Variants in IFNAR2 observed in about 807,000 individuals in gnomAD.
IFNAR2 encodes interferon alpha and beta receptor subunit 2, also known as interferon alpha/beta receptor 2.
A neutral mutation model predicts 49.4 loss-of-function variants in IFNAR2; 30 were observed. That is an observed-to-expected ratio of 0.61 (90% confidence interval 0.45 to 0.82). The LOEUF (loss-of-function observed/expected upper bound fraction) is 0.82. Among genes scored for constraint, IFNAR2 ranks in the 40% least tolerant of loss-of-function variants. IFNAR2 has a pLI of 0.00. For synonymous variants in IFNAR2, 224 were observed against 234.5 expected (o/e 0.96, Z 0.41); for missense variants, 600 against 622.7 (o/e 0.96, Z 0.39).
At chr21:33,253,747 C>T (rs1449737468) in intron 7 of IFNAR2, among the ~76,000 whole-genome samples, 4 of 152,290 alleles carry the variant, frequency 2.6e-5, no homozygotes, top group Middle Eastern at 6.8e-3. Context: ...TCATGCCTCC[C>T]CTTTTTAGAC....
Position 33,260,753 on chromosome 21 carries a change from GT to G in IFNAR2, c.840+32del, listed in dbSNP as rs779544730. The stretch of plus-strand genomic sequence containing the variant: ...GTAGGTAGTTTTTTTGTTTTGTTTT[GT>G]TTTTTCTATCTTTGTTTTTTATTTT... On this transcript the variant is annotated intron_variant, in intron 8 of 8. Coordinates refer to ENST00000342136, the MANE Select transcript of IFNAR2 (RefSeq NM_001289125.3). 7 of 1,413,740 alleles carry G rather than the reference GT, an allele frequency of 5.0e-6. No homozygotes were observed. In the South Asian group the frequency reaches 1.1e-4, roughly 22 times the overall value. The allele number at this position is 1,413,740 out of a possible 1,614,324, so 87.6% of individuals were successfully genotyped here. A position where few individuals can be genotyped will look rare whatever the true frequency, so the allele number is the denominator to read the frequency against.
intron 4 of IFNAR2, among the ~76,000 whole-genome samples, chr21:33,246,322 G>A (rs1468296074): frequency 1.3e-5 from 2 of 152,106 alleles, no homozygotes; most frequent in Non-Finnish European, 2.9e-5. Context: ...CGCCCGCCTT[G>A]GCCTCCCAAA....
chr21:33,256,323 A>C (rs990595786), intron 7 of IFNAR2, among the ~76,000 whole-genome samples: 1 of 152,362 alleles, frequency 6.6e-6, no homozygotes, highest in African/African-American at 2.4e-5. Flanking sequence ...GAGATAGGTC[A>C]AGTACCGCTC....
chr21:33,265,267 G>A lies in IFNAR2; in HGVS notation c.*1767G>A, dbSNP rs1204963840. ...GAGAAGCTCCCAGGATGAATGAAAG[G>A]CACAGGACCTCTTACCCCTCACCCC... On this transcript the variant is annotated 3_prime_UTR_variant, in exon 9 of 9. Transcript: ENST00000342136. 1 of 152,216 alleles carries A rather than the reference G, an allele frequency of 6.6e-6. No individual in the cohort carries two copies. Among genetic ancestry groups the A allele is most frequent in the Non-Finnish European group, 1.5e-5 (1 of 68,082 alleles). The allele number at this position is 152,216 out of a possible 1,614,324, so 9.4% of individuals were successfully genotyped here. A position where few individuals can be genotyped will look rare whatever the true frequency, so the allele number is the denominator to read the frequency against.
chr21:33,240,814 C>CAA lies in IFNAR2; in HGVS notation c.-83-1013_-83-1012dup, dbSNP rs35515030. The stretch of plus-strand genomic sequence containing the variant: ...CTAGGCAACACAGCAAGACCCGTCT[C>CAA]AAAAAAAAAAAAAAGTTACATATAT... On this transcript the variant is annotated intron_variant, in intron 1 of 8. Transcript: ENST00000342136. Among the ~76,000 whole-genome samples, 118 of 138,658 alleles carry CAA rather than the reference C, an allele frequency of 8.5e-4. 1 individual carries two copies. Among genetic ancestry groups the CAA allele is most frequent in the Middle Eastern group, 7.5e-3 (2 of 268 alleles). The allele number at this position is 138,658 out of a possible 152,430, so 91.0% of individuals were successfully genotyped here.
chr21:33,230,226 C>G lies in IFNAR2; in HGVS notation c.-84+10C>G. 4.6e-6 allele frequency: 5 copies of G among 1,095,856 alleles called. No individual in the cohort carries two copies. Among genetic ancestry groups the G allele is most frequent in the Non-Finnish European group, 5.6e-6 (5 of 892,650 alleles). 67.9% of individuals were successfully genotyped at this position (1,095,856 alleles called of 1,614,324 possible). Reference sequence around the variant, plus strand: ...GGCGAGAGCTGCAAAGGTAACGCAGCGTGGCGGGGTCGCGGGAGCGGAGCG... The same window carrying G: ...GGCGAGAGCTGCAAAGGTAACGCAGGGTGGCGGGGTCGCGGGAGCGGAGCG... On this transcript the variant is annotated intron_variant, in intron 1 of 8. Coordinates refer to ENST00000342136, the MANE Select transcript of IFNAR2 (RefSeq NM_001289125.3). This position sits in a 1 kb window ranked among gnomAD's most constrained non-coding sequence, Gnocchi z 5.5.
At chr21:33,243,154 C>G (rs1260451004) in intron 2 of IFNAR2, among the ~76,000 whole-genome samples, 1 of 151,778 alleles carries the variant, frequency 6.6e-6, no homozygotes, top group African/African-American at 2.4e-5. Flanking sequence ...GCGATCTCAC[C>G]TCACTGCAGC....
chr21:33,241,485 G>A (rs983940784), intron 1 of IFNAR2, among the ~76,000 whole-genome samples: 1 of 152,152 alleles, frequency 6.6e-6, no homozygotes, highest in Admixed American at 6.5e-5. Flanking sequence ...GAAAAAGCAG[G>A]GTGGAACAGG....
intron 1 of IFNAR2, among the ~76,000 whole-genome samples, chr21:33,231,170 A>G (rs1986035685): frequency 6.6e-6 from 1 of 152,118 alleles, no homozygotes; most frequent in South Asian, 2.1e-4. Flanking sequence ...CTGCTTGCCA[A>G]GGTTTCTCAG....
chr21:33,252,743 G>A lies in IFNAR2; in HGVS notation c.622G>A (p.Val208Ile). 1 of 1,613,652 alleles carries A rather than the reference G, an allele frequency of 6.2e-7. No individual in the cohort carries two copies. Among genetic ancestry groups the A allele is most frequent in the Non-Finnish European group, 8.5e-7 (1 of 1,179,590 alleles). ...GTTAATTCCAAACACGAACTACTGTGTATCTGTTTATTTAGAGCACAGTGA... is the reference window on the plus strand; with the variant it reads ...GTTAATTCCAAACACGAACTACTGTATATCTGTTTATTTAGAGCACAGTGA... The part of the protein sequence containing the change: ...DKLIPNTNYC[V>I]SVYLEHSDEQ... The change falls in exon 7 of 9, where the codon GTA (valine) becomes ATA (isoleucine). Residue 208 changes from valine (V) to isoleucine (I), a missense_variant. Physicochemically the swap from Val to Ile is conservative, Grantham distance 29. Coordinates refer to ENST00000342136, the MANE Select transcript of IFNAR2 (RefSeq NM_001289125.3).
Position 33,245,059 on chromosome 21 carries a change from T to C in IFNAR2, c.206T>C (p.Leu69Pro). The C allele has an allele frequency of 6.2e-7, 1 of 1,610,170 alleles. No individual in the cohort carries two copies. Among genetic ancestry groups the C allele is most frequent in the Non-Finnish European group, 8.5e-7 (1 of 1,176,398 alleles). ...ATTGTACCAACTCACTATACATTGC[T>C]GTATACAATCATGAGGTTGGTTTGA... ...HSIVPTHYTL[L>P]YTIMSKPEDL... Residue 69 changes from leucine to proline, a missense_variant, in exon 4 of 9, where the codon CTG (leucine) becomes CCG (proline). Coordinates refer to ENST00000342136, the MANE Select transcript of IFNAR2 (RefSeq NM_001289125.3).
chr21:33,240,233 A>G (rs1050051494), intron 1 of IFNAR2, among the ~76,000 whole-genome samples: 3 of 152,212 alleles, frequency 2.0e-5, no homozygotes, highest in East Asian at 1.9e-4. Flanking sequence ...AGATTATACC[A>G]TATTTCTACT....
intron 1 of IFNAR2, 124 bp from the exon 2 acceptor site, chr21:33,241,716 A>AG: frequency 3.7e-6 from 2 of 535,030 alleles, no homozygotes; most frequent in Non-Finnish European, 6.1e-6. Context: ...CAGACTAGGT[A>AG]GGGGATTGGG....
chr21:33,257,836 C>CCT (rs1430106414), intron 7 of IFNAR2, among the ~76,000 whole-genome samples: 13 of 152,106 alleles, frequency 8.5e-5, no homozygotes, highest in Non-Finnish European at 1.5e-5. Context: ...GGCAGGCCAC[C>CCT]CACAGCATCC....
chr21:33,256,649 TTATTAA>T (rs1448951938), intron 7 of IFNAR2, among the ~76,000 whole-genome samples: 1 of 152,226 alleles, frequency 6.6e-6, no homozygotes, highest in African/African-American at 2.4e-5. Flanking sequence ...TTTGTCTCTT[TTATTAA>T]TATTAAGGCC....
At chr21:33,246,413 C>G (rs1370077612) in intron 4 of IFNAR2, among the ~76,000 whole-genome samples, 3 of 152,110 alleles carry the variant, frequency 2.0e-5, no homozygotes, top group Non-Finnish European at 2.9e-5. Flanking sequence ...GCCAGGGGGT[C>G]CAACTGTGAA....
At position 33,262,942 on chromosome 21, in the gene IFNAR2, C is replaced by G; in HGVS notation, c.990C>G (p.Pro330=). 1.9e-6 allele frequency: 3 copies of G among 1,614,152 alleles called. No individual in the cohort carries two copies. Among genetic ancestry groups the G allele is most frequent in the Non-Finnish European group, 2.5e-6 (3 of 1,180,012 alleles). The part of the protein sequence containing the change: ...DESDSDTEAA[P]RTSGGGYTMH... ...GTGATAGCGATACTGAGGCAGCGCC[C>G]AGGACAAGTGGCGGTGGCTATACCA... Residue 330 remains proline (P), a synonymous_variant, in exon 9 of 9, where the codon CCC becomes CCG. Coordinates refer to ENST00000342136, the MANE Select transcript of IFNAR2 (RefSeq NM_001289125.3).
intron 7 of IFNAR2, among the ~76,000 whole-genome samples, chr21:33,253,110 T>C (rs1381184063): frequency 6.6e-6 from 1 of 152,200 alleles, no homozygotes; most frequent in Non-Finnish European, 1.5e-5. Context: ...AATTCAGCAC[T>C]GTGTGCCCTT....
chr21:33,252,654 G>T lies in IFNAR2; in HGVS notation c.541-8G>T, dbSNP rs1279296637. The T allele has an allele frequency of 1.9e-6, 3 of 1,607,504 alleles. No homozygotes were observed. The highest frequency in any genetic ancestry group is 3.4e-5 in the Admixed American group (2 of 58,608). ...TCAGTCTTACTGATTTTTTGCTTATGTTTACAGCATAAACCCGAAATAAAA... is the reference window on the plus strand; with the variant it reads ...TCAGTCTTACTGATTTTTTGCTTATTTTTACAGCATAAACCCGAAATAAAA... On this transcript the variant is annotated splice_region_variant and splice_polypyrimidine_tract_variant and intron_variant, in intron 6 of 8. Coordinates refer to ENST00000342136, the MANE Select transcript of IFNAR2 (RefSeq NM_001289125.3).
Sources: gnomAD v4.1 joint callset for allele counts (sites outside exome capture counted in the v4.1 genomes callset) on GRCh38, gnomAD v4.1.1 for gene constraint, Gnocchi (gnomAD v3.1) non-coding constraint, MANE v1.5 for transcripts, NCBI Gene and HGNC (gene_info 2026-07-23, HGNC 2026-07-21) for gene names.